Variants in RICTOR observed in about 807,000 individuals in gnomAD.
RICTOR encodes rapamycin-insensitive companion of mTOR.
A neutral mutation model predicts 214.9 loss-of-function variants in RICTOR; 49 were observed. The ratio of observed to expected loss-of-function variants is 0.23; its 90% CI spans 0.18 to 0.29. RICTOR has a LOEUF of 0.29. Among genes scored for constraint, RICTOR ranks in the 10% least tolerant of loss-of-function variants. RICTOR has a pLI of 1.00. For synonymous variants in RICTOR, 717 were observed against 711.3 expected, an observed-to-expected ratio of 1.01 and a Z score of -0.13; for missense variants, 1,625 against 2,047.0, an observed-to-expected ratio of 0.79 and a Z score of 3.98.
At chr5:39,004,916 G>A (rs147692545) in intron 3 of RICTOR, among the ~76,000 whole-genome samples, 3,471 of 151,606 alleles carry the variant, frequency 0.023, 136 homozygotes, top group African/African-American at 0.08. Flanking sequence ...CTAGTAGCTG[G>A]GATTACAGGC....
intron 2 of RICTOR, among the ~76,000 whole-genome samples, chr5:39,023,674 A>T (rs1056761573): frequency 6.6e-6 from 1 of 152,234 alleles, no homozygotes; most frequent in Non-Finnish European, 1.5e-5. Context: ...ATCTGTTAAC[A>T]CCAATGCAAG....
At chr5:38,976,508 C>T (rs1211672464) in intron 9 of RICTOR, among the ~76,000 whole-genome samples, 1 of 150,776 alleles carries the variant, frequency 6.6e-6, no homozygotes, top group African/African-American at 2.4e-5. Flanking sequence ...GCAGCACCAG[C>T]TAAAATGAGA....
At chr5:39,047,345 GT>G (rs1757564971) in intron 2 of RICTOR, among the ~76,000 whole-genome samples, 1 of 152,152 alleles carries the variant, frequency 6.6e-6, no homozygotes, top group Non-Finnish European at 1.5e-5. Context: ...CGCATGTGCA[GT>G]TCACAATAGG....
chr5:38,972,104 T>A, intron 10 of RICTOR, 145 bp from the exon 11 acceptor site: 1 of 530,352 alleles, frequency 1.9e-6, no homozygotes, highest in Admixed American at 3.4e-5. Context: ...AACTATTATA[T>A]AACTGAAATA....
chr5:38,983,310 G>A (rs541599579), intron 7 of RICTOR, among the ~76,000 whole-genome samples: 26 of 152,036 alleles, frequency 1.7e-4, no homozygotes, highest in Admixed American at 5.9e-4. Context: ...GATTATTGTT[G>A]AAACACAAAA....
chr5:39,040,642 T>C (rs1306190429), intron 2 of RICTOR, among the ~76,000 whole-genome samples: 1 of 151,994 alleles, frequency 6.6e-6, no homozygotes, highest in African/African-American at 2.4e-5. Flanking sequence ...ACACTATCAA[T>C]AGACTGGAAA....
chr5:39,057,774 T>A (rs1387978115), intron 2 of RICTOR, among the ~76,000 whole-genome samples: 1 of 152,150 alleles, frequency 6.6e-6, no homozygotes, highest in East Asian at 1.9e-4. Flanking sequence ...TTATATTAAG[T>A]GTTCCCATCT....
intron 14 of RICTOR, 47 bp downstream of exon 14, chr5:38,967,110 CTGTT>C (rs766891301): frequency 3.7e-6 from 5 of 1,368,004 alleles, no homozygotes; most frequent in Non-Finnish European, 5.2e-6. Context: ...ATGAAAGAAT[CTGTT>C]AGAGAAAATA....
intron 2 of RICTOR, among the ~76,000 whole-genome samples, chr5:39,021,406 T>C (rs959699227): frequency 1.3e-5 from 2 of 152,228 alleles, no homozygotes; most frequent in African/African-American, 4.8e-5. Context: ...TATTTGAATG[T>C]GTTCCCCCCA....
chr5:39,073,690 G>A (rs1167842286), intron 2 of RICTOR, among the ~76,000 whole-genome samples: 1 of 152,092 alleles, frequency 6.6e-6, no homozygotes, highest in Non-Finnish European at 1.5e-5. Flanking sequence ...GGACGGGGAG[G>A]GCAGGATGTG....
intron 8 of RICTOR, chr5:38,980,892 T>C (rs963214460): frequency 6.6e-6 from 1 of 152,110 alleles, no homozygotes; most frequent in African/African-American, 2.4e-5. Flanking sequence ...TATTATCTTT[T>C]ATTCATCTCT....
At chr5:38,954,386 A>C (rs535706651) in intron 27 of RICTOR, among the ~76,000 whole-genome samples, 1 of 152,016 alleles carries the variant, frequency 6.6e-6, no homozygotes, top group South Asian at 2.1e-4. Flanking sequence ...CAACAAGGAT[A>C]ACTTAATCTG....
chr5:38,942,816 G>A lies in RICTOR; in HGVS notation c.5052+17C>T, dbSNP rs2112784120. On this transcript the variant is annotated intron_variant, in intron 37 of 37. Coordinates refer to ENST00000357387, the MANE Select transcript of RICTOR (RefSeq NM_152756.5). ...TATTCTTGGAAGATAAATTTGAGAA[G>A]TACTAATCATACTTACTTGTAGAAA... is the stretch of plus-strand genomic sequence containing the variant. 1 of 1,550,718 alleles carries A rather than the reference G, an allele frequency of 6.4e-7. No homozygotes were observed. Among genetic ancestry groups the A allele is most frequent in the Non-Finnish European group, 8.9e-7 (1 of 1,122,802 alleles).
Position 38,967,324 on chromosome 5 carries a change from T to C in RICTOR, c.1151+13A>G. On this transcript the variant is annotated intron_variant, in intron 13 of 37. Coordinates refer to ENST00000357387, the MANE Select transcript of RICTOR (RefSeq NM_152756.5). ...TTCTAATAAATTGAAACCCTTTTTA[T>C]TTTAAATTCTACCTGGATCTGGCAC... The C allele has an allele frequency of 6.2e-7, 1 of 1,609,042 alleles. No homozygotes were observed. Among genetic ancestry groups the C allele is most frequent in the Non-Finnish European group, 8.5e-7 (1 of 1,176,400 alleles).
intron 2 of RICTOR, among the ~76,000 whole-genome samples, chr5:39,054,551 T>C (rs868824908): frequency 1.3e-5 from 2 of 152,370 alleles, no homozygotes; most frequent in Admixed American, 6.5e-5. Flanking sequence ...CAGCATAAAG[T>C]TGATCAAACG....
chr5:39,071,767 A>G (rs1759341804), intron 2 of RICTOR, among the ~76,000 whole-genome samples: 1 of 152,218 alleles, frequency 6.6e-6, no homozygotes, highest in African/African-American at 2.4e-5. Context: ...AATGAGCTTT[A>G]TTAGGTAACT....
At chr5:38,942,716 A>G (rs1327592335) in intron 37 of RICTOR, 117 bp downstream of exon 37, 6 of 811,854 alleles carry the variant, frequency 7.4e-6, no homozygotes, top group Middle Eastern at 3.7e-4. Flanking sequence ...CTGACCCCAC[A>G]AAGTGCTGGG....
chr5:39,059,447 A>C (rs1276428798), intron 2 of RICTOR, among the ~76,000 whole-genome samples: 1 of 152,106 alleles, frequency 6.6e-6, no homozygotes, highest in Non-Finnish European at 1.5e-5. Flanking sequence ...CTGATTCCCC[A>C]TGTGTTCAAT....
At chr5:38,943,706 G>C (rs1468842405) in intron 36 of RICTOR, among the ~76,000 whole-genome samples, 1 of 152,104 alleles carries the variant, frequency 6.6e-6, no homozygotes, top group Non-Finnish European at 1.5e-5. Flanking sequence ...CCAGCTACTT[G>C]GGAGGCTGAG....
Sources: gnomAD v4.1 joint callset for allele counts (sites outside exome capture counted in the v4.1 genomes callset) on GRCh38, gnomAD v4.1.1 for gene constraint, MANE v1.5 for transcripts, NCBI Gene and HGNC (gene_info 2026-07-23, HGNC 2026-07-21) for gene names.